Variants in KCNMB2 observed in about 807,000 individuals in gnomAD.
KCNMB2 encodes potassium calcium-activated channel subfamily M regulatory beta subunit 2.
KCNMB2 carries 9 observed loss-of-function variants against 24.5 expected under a neutral mutation model. The observed-to-expected ratio is 0.37, with a 90% CI of 0.22 to 0.64. KCNMB2 has a LOEUF of 0.64. Among genes scored for constraint, KCNMB2 ranks in the 30% least tolerant of loss-of-function variants. The probability of loss-of-function intolerance (pLI) is 0.63; values close to 1 mark genes in which losing one functional copy is unlikely to be tolerated. For synonymous variants in KCNMB2, 109 were observed against 104.4 expected, an observed-to-expected ratio of 1.04 and a Z score of -0.27; for missense variants, 226 against 284.3, an observed-to-expected ratio of 0.79 and a Z score of 1.47.
At chr3:178,745,871 G>A (rs577018843) in intron 1 of KCNMB2, among the ~76,000 whole-genome samples, 2 of 152,328 alleles carry the variant, frequency 1.3e-5, no homozygotes, top group African/African-American at 4.8e-5. Context: ...TGATGCAAGA[G>A]GTAGGTTCCC....
chr3:178,584,105 G>T (rs1717323616), intron 1 of KCNMB2, among the ~76,000 whole-genome samples: 1 of 152,222 alleles, frequency 6.6e-6, no homozygotes, highest in African/African-American at 2.4e-5. Flanking sequence ...TAGCCAAGGG[G>T]TTGTCCTAGC....
intron 1 of KCNMB2, among the ~76,000 whole-genome samples, chr3:178,768,819 C>T (rs1046099174): frequency 3.3e-5 from 5 of 152,194 alleles, no homozygotes; most frequent in Admixed American, 2.0e-4. Flanking sequence ...AAAAGAGCCA[C>T]ATGTACATTT....
chr3:178,599,775 GC>G (rs1367453261), intron 1 of KCNMB2, among the ~76,000 whole-genome samples: 3 of 151,996 alleles, frequency 2.0e-5, no homozygotes, highest in African/African-American at 7.2e-5. Flanking sequence ...CCTCTCCTCT[GC>G]CAGCCCCTGG....
At chr3:178,645,790 G>C (rs2108553731) in intron 1 of KCNMB2, among the ~76,000 whole-genome samples, 1 of 152,244 alleles carries the variant, frequency 6.6e-6, no homozygotes, top group East Asian at 1.9e-4. Flanking sequence ...GGTGGGGAGG[G>C]AGAGCATATG....
intron 1 of KCNMB2, among the ~76,000 whole-genome samples, chr3:178,738,583 T>C (rs1423256352): frequency 6.6e-6 from 1 of 152,104 alleles, no homozygotes; most frequent in East Asian, 1.9e-4. Context: ...CTGTCCCAGG[T>C]CCTTTGAATA....
intron 1 of KCNMB2, among the ~76,000 whole-genome samples, chr3:178,705,602 A>T (rs1355058596): frequency 6.6e-6 from 1 of 152,218 alleles, no homozygotes; most frequent in Non-Finnish European, 1.5e-5. Context: ...TAAGTTCCAG[A>T]TACATACACA....
chr3:178,804,878 A>C (rs1195578371), intron 1 of KCNMB2, among the ~76,000 whole-genome samples: 1 of 152,228 alleles, frequency 6.6e-6, no homozygotes, highest in African/African-American at 2.4e-5. Flanking sequence ...AGTTTAAGCC[A>C]ATCCTCATTC....
intron 1 of KCNMB2, among the ~76,000 whole-genome samples, chr3:178,658,641 T>C (rs1398661805): frequency 6.6e-6 from 1 of 152,184 alleles, no homozygotes; most frequent in East Asian, 1.9e-4. Flanking sequence ...GTGGGGATGG[T>C]TGCCTTCCAA....
At chr3:178,717,795 G>T (rs190241153) in intron 1 of KCNMB2, among the ~76,000 whole-genome samples, 20 of 152,132 alleles carry the variant, frequency 1.3e-4, no homozygotes, top group Admixed American at 1.2e-3. Flanking sequence ...GACAGCCTCG[G>T]GATAACCTGG....
chr3:178,616,167 G>A (rs1298910281), intron 1 of KCNMB2, among the ~76,000 whole-genome samples: 1 of 152,170 alleles, frequency 6.6e-6, no homozygotes, highest in East Asian at 1.9e-4. Context: ...TCCCTTGGCA[G>A]CCCCAGCTGA....
intron 1 of KCNMB2, among the ~76,000 whole-genome samples, chr3:178,603,340 G>A (rs1195737458): frequency 6.6e-6 from 1 of 152,194 alleles, no homozygotes; most frequent in East Asian, 1.9e-4. Flanking sequence ...CAGAGACACA[G>A]GTCAGGGATC....
chr3:178,575,730 G>A (rs1269121648), intron 1 of KCNMB2, among the ~76,000 whole-genome samples: 1 of 152,144 alleles, frequency 6.6e-6, no homozygotes, highest in East Asian at 1.9e-4. Context: ...GAAATTGTGA[G>A]TAATAAAAAA....
chr3:178,791,736 A>C (rs114438348), intron 1 of KCNMB2, among the ~76,000 whole-genome samples: 289 of 152,276 alleles, frequency 1.9e-3, no homozygotes, highest in Non-Finnish European at 3.5e-3. Flanking sequence ...AAAAGCAGCA[A>C]GAGAAAAAAA....
intron 2 of KCNMB2, 59 bp from the exon 3 acceptor site, chr3:178,825,529 C>T: frequency 2.0e-6 from 3 of 1,478,590 alleles, no homozygotes; most frequent in Non-Finnish European, 9.3e-7. Context: ...CTGACCTGCT[C>T]TCTAGGGGCA....
At chr3:178,629,833 C>G (rs1215920486) in intron 1 of KCNMB2, among the ~76,000 whole-genome samples, 1 of 152,152 alleles carries the variant, frequency 6.6e-6, no homozygotes, top group Non-Finnish European at 1.5e-5. Context: ...TAAGTTTGGG[C>G]CCATTTAGAG....
intron 1 of KCNMB2, among the ~76,000 whole-genome samples, chr3:178,653,726 T>G (rs144426006): frequency 6.6e-6 from 1 of 152,112 alleles, no homozygotes; most frequent in Admixed American, 6.5e-5. Context: ...TATCAAATTG[T>G]CTTTATGTTT....
intron 1 of KCNMB2, among the ~76,000 whole-genome samples, chr3:178,679,849 T>G: frequency 6.6e-6 from 1 of 152,202 alleles, no homozygotes; most frequent in East Asian, 1.9e-4. Context: ...ATCATTTGAT[T>G]TTTGTATATA....
intron 1 of KCNMB2, among the ~76,000 whole-genome samples, chr3:178,707,821 A>G (rs1722328771): frequency 6.6e-6 from 1 of 152,174 alleles, no homozygotes; most frequent in Admixed American, 6.6e-5. Flanking sequence ...ATTTAAAAGA[A>G]AACAAAACTT....
chr3:178,720,670 A>G (rs1383258367), intron 1 of KCNMB2, among the ~76,000 whole-genome samples: 2 of 130,522 alleles, frequency 1.5e-5, no homozygotes, highest in East Asian at 4.2e-4. Flanking sequence ...AATGATTGCC[A>G]TTCTAACTGG....
Sources: gnomAD v4.1 joint callset for allele counts (sites outside exome capture counted in the v4.1 genomes callset) on GRCh38, gnomAD v4.1.1 for gene constraint, MANE v1.5 for transcripts, NCBI Gene and HGNC (gene_info 2026-07-23, HGNC 2026-07-21) for gene names.